Variants in SNORC observed in about 807,000 individuals in gnomAD.
SNORC encodes the protein secondary ossification center associated regulator of chondrocyte maturation.
SNORC carries 11 observed loss-of-function variants against 9.7 expected under a neutral mutation model. That is an observed-to-expected ratio of 1.14 (90% CI 0.72 to 1.88). The LOEUF is 1.88. SNORC is among the 40% of genes most tolerant of loss of function. The probability of loss-of-function intolerance (pLI) is 0.00; values close to 1 mark genes in which losing one functional copy is unlikely to be tolerated. For synonymous variants in SNORC, 108 were observed against 88.7 expected (o/e 1.22, Z -1.22); for missense variants, 197 against 173.1 (o/e 1.14, Z -0.77).
intron 1 of SNORC, chr2:232,875,462 C>T (rs1427940010): frequency 2.4e-6 from 1 of 414,144 alleles, no homozygotes; most frequent in Non-Finnish European, 5.1e-6. Flanking sequence ...GTTGAGCTTT[C>T]CAGCGTTTCT....
At chr2:232,874,680 G>T (rs1691151039) in intron 1 of SNORC, among the ~76,000 whole-genome samples, 1 of 152,238 alleles carries the variant, frequency 6.6e-6, no homozygotes, top group Admixed American at 6.5e-5. Flanking sequence ...CCTATGAGGA[G>T]GGCAAGTGTC....
chr2:232,877,324 G>A, downstream of SNORC: 2 of 985,436 alleles, frequency 2.0e-6, no homozygotes, highest in East Asian at 1.1e-4. Flanking sequence ...GAGGAGCCTG[G>A]TCCAGGGTCC....
chr2:232,869,273 G>C (rs1690937544), upstream of SNORC, among the ~76,000 whole-genome samples: 2 of 152,180 alleles, frequency 1.3e-5, no homozygotes, highest in African/African-American at 4.8e-5. Context: ...CCTGAGGCAG[G>C]ATCTGGGGGT....
chr2:232,876,657 C>G, downstream of SNORC: 1 of 1,014,742 alleles, frequency 9.9e-7, no homozygotes, highest in Non-Finnish European at 1.2e-6. The surrounding 1 kb of genome is among the most constrained non-coding windows in gnomAD (Gnocchi z 6.8). Flanking sequence ...CTCGGCGTCC[C>G]CGTGCACCAC....
chr2:232,870,245 CT>C (rs1206413036), upstream of SNORC: 7 of 1,168,768 alleles, frequency 6.0e-6, no homozygotes, highest in Non-Finnish European at 8.7e-6. Flanking sequence ...GATGAAAACC[CT>C]TCCCAGCCCT....
chr2:232,868,466 G>A (rs147951668), upstream of SNORC, among the ~76,000 whole-genome samples: 73 of 152,222 alleles, frequency 4.8e-4, no homozygotes, highest in African/African-American at 1.6e-3. Flanking sequence ...CTTGGCCTCT[G>A]CTACTTTAGA....
chr2:232,868,008 A>G (rs1690909581), upstream of SNORC, among the ~76,000 whole-genome samples: 1 of 152,198 alleles, frequency 6.6e-6, no homozygotes, highest in African/African-American at 2.4e-5. Context: ...GGTTCTGGGA[A>G]CCAAGTGAGA....
downstream of SNORC, chr2:232,877,991 C>G (rs1296720382): frequency 6.6e-6 from 1 of 152,304 alleles, no homozygotes; most frequent in Non-Finnish European, 1.5e-5. Flanking sequence ...TTTCCCTTTC[C>G]CCACTCTGCA....
At chr2:232,876,535 T>G (rs566740771), downstream of SNORC, 249 of 1,199,708 alleles carry the variant, frequency 2.1e-4, no homozygotes, top group African/African-American at 3.5e-3. This position sits in a 1 kb window ranked among gnomAD's most constrained non-coding sequence, Gnocchi z 6.8. Context: ...CGCGCGCGGG[T>G]CCGGAGGCGC....
chr2:232,869,539 A>C (rs1690947170), upstream of SNORC: 1 of 152,322 alleles, frequency 6.6e-6, no homozygotes, highest in African/African-American at 2.4e-5. Context: ...GGGGCAGTAG[A>C]GTCAAGGTTT....
At chr2:232,869,034 T>C (rs959770406), upstream of SNORC, 3 of 152,216 alleles carry the variant, frequency 2.0e-5, no homozygotes, top group African/African-American at 7.2e-5. Context: ...GACTTTGTGC[T>C]TGCTCTCCCT....
intron 1 of SNORC, among the ~76,000 whole-genome samples, chr2:232,874,813 C>T (rs1691158083): frequency 6.6e-6 from 1 of 152,260 alleles, no homozygotes; most frequent in Non-Finnish European, 1.5e-5. Flanking sequence ...TGTTTCTGGG[C>T]AGCACAACCG....
At position 232,876,101 on chromosome 2, in the gene SNORC, G is replaced by C. The variant is rs1691225302; in HGVS notation, c.235G>C (p.Glu79Gln). Residue 79 changes from glutamate to glutamine, a missense_variant, in exon 2 of 3, where the codon GAG becomes CAG. Coordinates refer to ENST00000331342, the Ensembl canonical transcript of SNORC. The surrounding 1 kb of genome is among the most constrained non-coding windows in gnomAD (Gnocchi z 6.8). The stretch of plus-strand genomic sequence containing the variant: ...AGGACCCGAGGACAGCACCGCGCAG[G>C]AGCGGCTGGACCAGGGCGGCGGTAC... 6.6e-7 allele frequency: 1 copy of C among 1,513,028 alleles called. No individual in the cohort carries two copies. The highest frequency in any genetic ancestry group is 2.6e-5 in the East Asian group (1 of 37,998). 93.7% of individuals were successfully genotyped at this position (1,513,028 alleles called of 1,614,324 possible). A position where few individuals can be genotyped will look rare whatever the true frequency, so the allele number is the denominator to read the frequency against.
chr2:232,877,185 C>T (rs1691295080), downstream of SNORC: 1 of 985,648 alleles, frequency 1.0e-6, no homozygotes, highest in Non-Finnish European at 1.2e-6. Context: ...GCTTCCTACT[C>T]TCACCCCCAG....
At chr2:232,867,238 A>G (rs900264914), upstream of SNORC, among the ~76,000 whole-genome samples, 1 of 152,250 alleles carries the variant, frequency 6.6e-6, no homozygotes, top group Non-Finnish European at 1.5e-5. Context: ...GACTAGTACT[A>G]CTGTGCACTT....
Position 232,876,097 on chromosome 2 carries a change from G to T in SNORC, c.231G>T (p.Ala77=), listed in dbSNP as rs1425822386. Reference sequence around the variant, plus strand: ...CGCCAGGACCCGAGGACAGCACCGCGCAGGAGCGGCTGGACCAGGGCGGCG... The same window carrying T: ...CGCCAGGACCCGAGGACAGCACCGCTCAGGAGCGGCTGGACCAGGGCGGCG... The change falls in exon 2 of 3, where the codon GCG becomes GCT. Residue 77 remains alanine, a synonymous_variant. Transcript: ENST00000331342. This position sits in a 1 kb window ranked among gnomAD's most constrained non-coding sequence, Gnocchi z 6.8. The T allele has an allele frequency of 1.5e-5, 22 of 1,507,474 alleles. No individual in the cohort carries two copies. Among genetic ancestry groups the T allele is most frequent in the Non-Finnish European group, 1.9e-5 (22 of 1,134,124 alleles). 93.4% of individuals were successfully genotyped at this position (1,507,474 alleles called of 1,614,324 possible). A position where few individuals can be genotyped will look rare whatever the true frequency, so the allele number is the denominator to read the frequency against.
chr2:232,871,277 C>T (rs955941375), intron 1 of SNORC, among the ~76,000 whole-genome samples: 2 of 152,122 alleles, frequency 1.3e-5, no homozygotes, highest in Admixed American at 1.3e-4. Context: ...CCTGGGGAGG[C>T]CCCCTCGGCC....
downstream of SNORC, chr2:232,877,168 C>A: frequency 1.0e-6 from 1 of 985,628 alleles, no homozygotes; most frequent in Non-Finnish European, 1.2e-6. Flanking sequence ...GGACACGGCC[C>A]GCCCCTGCTT....
rs1249147375 is a variant in SNORC, at chr2:232,876,132, G to A, written c.256+10G>A. 61 of 1,491,240 alleles carry A rather than the reference G, an allele frequency of 4.1e-5. No individual in the cohort carries two copies. The highest frequency in any genetic ancestry group is 5.1e-5 in the Non-Finnish European group (58 of 1,128,314). 92.4% of individuals were successfully genotyped at this position (1,491,240 alleles called of 1,614,324 possible). On this transcript the variant is annotated intron_variant, in intron 2 of 2. Transcript: ENST00000331342. The surrounding 1 kb of genome is among the most constrained non-coding windows in gnomAD (Gnocchi z 6.8). Reference sequence around the variant, plus strand: ...CTGGACCAGGGCGGCGGTACGGGCGGGGCGGGGGAGGGAGGGGAGAGGGAG... The same window carrying A: ...CTGGACCAGGGCGGCGGTACGGGCGAGGCGGGGGAGGGAGGGGAGAGGGAG...
Sources: gnomAD v4.1 joint callset for allele counts (sites outside exome capture counted in the v4.1 genomes callset) on GRCh38, gnomAD v4.1.1 for gene constraint, Gnocchi (gnomAD v3.1) non-coding constraint, MANE v1.5 for transcripts, NCBI Gene and HGNC (gene_info 2026-07-23, HGNC 2026-07-21) for gene names.